CAMKK1: variants seen among roughly 807,000 people sequenced by gnomAD.
The protein encoded by CAMKK1 is calcium/calmodulin-dependent protein kinase kinase 1.
In CAMKK1, 20 loss-of-function variants were observed where a neutral mutation model predicts 63.5. That is an observed-to-expected ratio of 0.32 (90% CI 0.22 to 0.46). The LOEUF (loss-of-function observed/expected upper bound fraction) is 0.46, where lower values mean the gene tolerates loss of function less well. Among genes scored for constraint, CAMKK1 ranks in the 20% least tolerant of loss-of-function variants. The pLI, the probability that CAMKK1 is intolerant of heterozygous loss-of-function variation, is 1.00. For missense variants in CAMKK1, 588 were observed against 658.1 expected, an observed-to-expected ratio of 0.89 and a Z score of 1.17; for synonymous variants, 253 against 269.0, an observed-to-expected ratio of 0.94 and a Z score of 0.58.
At chr17:3,876,465 C>G in intron 9 of CAMKK1, 43 bp from the exon 10 acceptor site, 2 of 1,564,854 alleles carry the variant, frequency 1.3e-6, no homozygotes, top group Middle Eastern at 3.4e-4. Context: ...GCCTGGGCAC[C>G]GCTGGCCAGG....
rs187198166 is a variant in CAMKK1, at chr17:3,887,934, C to T, written c.-43-2204G>A. On this transcript the variant is annotated intron_variant, in intron 1 of 15. Transcript: ENST00000348335. This position sits in a 1 kb window ranked among gnomAD's most constrained non-coding sequence, Gnocchi z 6.1. ...GAATGTAAGTTTCATGAGATTAGGA[C>T]GCTCATCTGCCTTGTCTCCAAAAGA... 1.0e-3 allele frequency among the ~76,000 whole-genome samples: 154 copies of T among 152,264 alleles called. 1 individual carries two copies. Among genetic ancestry groups the T allele is most frequent in the African/African-American group, 3.0e-3 (126 of 41,560 alleles).
At position 3,865,943 on chromosome 17, in the gene CAMKK1, T is replaced by C. The variant is rs1290714708; in HGVS notation, c.1410A>G (p.Glu470=). The C allele has an allele frequency of 1.2e-6, 2 of 1,614,210 alleles. No homozygotes were observed. Among genetic ancestry groups the C allele is most frequent in the African/African-American group, 2.7e-5 (2 of 75,056 alleles). Residue 470 remains glutamate, a synonymous_variant, in exon 15 of 16, where the codon GAA becomes GAG. Coordinates refer to ENST00000348335, the MANE Select transcript of CAMKK1 (RefSeq NM_032294.3). ...GNPFEPQARR[E]ERSMSAPGNL... ...TTCCTGGAGCAGACATGGATCGCTC[T>C]TCCCTCCGTGCTTGGGGCTCAAACG...
chr17:3,872,595 G>C lies in CAMKK1; in HGVS notation c.1083C>G (p.Leu361=). 6.2e-7 allele frequency: 1 copy of C among 1,614,028 alleles called. No homozygotes were observed. The highest frequency in any genetic ancestry group is 8.5e-7 in the Non-Finnish European group (1 of 1,179,898). The part of the protein sequence containing the change: ...CPFIDDFILA[L]HRKIKNEPVV... ...CGGGCTCATTCTTGATCTTCCTGTG[G>C]AGGGCCAGGATGAAATCGTCGATGA... The change falls in exon 12 of 16, where the codon CTC becomes CTG. Residue 361 remains leucine (L), a synonymous_variant. Transcript: ENST00000348335.
rs559296219 is a variant in CAMKK1, at chr17:3,862,808, T to C, written c.1446-525A>G. 6.6e-6 allele frequency among the ~76,000 whole-genome samples: 1 copy of C among 152,280 alleles called. No individual in the cohort carries two copies. The highest frequency in any genetic ancestry group is 1.5e-5 in the Non-Finnish European group (1 of 68,028). On this transcript the variant is annotated intron_variant, in intron 15 of 15. Coordinates refer to ENST00000348335, the MANE Select transcript of CAMKK1 (RefSeq NM_032294.3). The surrounding 1 kb of genome is among the most constrained non-coding windows in gnomAD (Gnocchi z 4.1). ...CCACGCCCAGCTAATTTTTGTATTTTTTTATCTCTATAAAAACAGGGTTTC... is the reference window on the plus strand; with the variant it reads ...CCACGCCCAGCTAATTTTTGTATTTCTTTATCTCTATAAAAACAGGGTTTC...
In CAMKK1 at chr17:3,872,430, G is replaced by T. The variant is rs976410022; in HGVS notation, c.1124+124C>A. The T allele has an allele frequency of 2.6e-5, 20 of 766,548 alleles. No homozygotes were observed. The African/African-American group carries it at 3.1e-4, about 12-fold the overall frequency. The allele number at this position is 766,548 out of a possible 1,614,324, so 47.5% of individuals were successfully genotyped here. The stretch of plus-strand genomic sequence containing the variant: ...CATCTATTCAGGGGTCCCTCCCAGG[G>T]AACAGCACCGCCACCTTCATATCTG... On this transcript the variant is annotated intron_variant, in intron 12 of 15. Transcript: ENST00000348335.
intron 9 of CAMKK1, 183 bp downstream of exon 9, chr17:3,880,163 C>T (rs567767725): frequency 7.0e-5 from 42 of 603,540 alleles, no homozygotes; most frequent in African/African-American, 6.1e-4. Flanking sequence ...TGGAGTCCAC[C>T]GCCCGCCCCA....
chr17:3,872,494 TAA>T, intron 12 of CAMKK1, 58 bp downstream of exon 12: 2 of 1,462,954 alleles, frequency 1.4e-6, no homozygotes, highest in East Asian at 4.5e-5. Flanking sequence ...AAAGCTCTGC[TAA>T]AACTCAGACA....
At chr17:3,876,799 C>G (rs1159280467) in intron 9 of CAMKK1, among the ~76,000 whole-genome samples, 2 of 150,340 alleles carry the variant, frequency 1.3e-5, no homozygotes, top group African/African-American at 4.9e-5. Context: ...ACTCTGTCCC[C>G]CAGGCTGGAG....
At position 3,865,912 on chromosome 17, in the gene CAMKK1, G is replaced by A; in HGVS notation, c.1441C>T (p.Leu481=). The A allele has an allele frequency of 6.2e-7, 1 of 1,614,182 alleles. No individual in the cohort carries two copies. The highest frequency in any genetic ancestry group is 8.5e-7 in the Non-Finnish European group (1 of 1,180,030). ...CCCTGGCCCACCAGTACTTACACCA[G>A]TAGGTTTCCTGGAGCAGACATGGAT... ...ERSMSAPGNL[L]VKEGFGEGGK... The change falls in exon 15 of 16, where the codon CTG becomes TTG. Residue 481 remains leucine (L), a synonymous_variant. Coordinates refer to ENST00000348335, the MANE Select transcript of CAMKK1 (RefSeq NM_032294.3).
At chr17:3,868,085 G>A (rs142797447) in intron 14 of CAMKK1, among the ~76,000 whole-genome samples, 34,367 of 48,182 alleles carry the variant, frequency 0.71, 12,506 homozygotes, top group East Asian at 0.81. Context: ...TAACTGATAC[G>A]TGGGCTCTGG....
At chr17:3,877,304 C>G (rs2055210372) in intron 9 of CAMKK1, among the ~76,000 whole-genome samples, 1 of 152,142 alleles carries the variant, frequency 6.6e-6, no homozygotes, top group African/African-American at 2.4e-5. Context: ...TTGGGACAAG[C>G]AGGATGACAC....
In CAMKK1 at chr17:3,861,985, G is replaced by T; in HGVS notation, c.*226C>A. On this transcript the variant is annotated 3_prime_UTR_variant, in exon 16 of 16. Transcript: ENST00000348335. ...TCAGGCCAAGGAGGTCCAAGAAGAG[G>T]AGGATGGCCTCGTGGGAGCCCTGCC... is the stretch of plus-strand genomic sequence containing the variant. The T allele has an allele frequency of 1.7e-6, 1 of 580,216 alleles. No individual in the cohort carries two copies. Among genetic ancestry groups the T allele is most frequent in the Non-Finnish European group, 3.1e-6 (1 of 323,292 alleles). The allele number at this position is 580,216 out of a possible 1,614,324, so 35.9% of individuals were successfully genotyped here. A position where few individuals can be genotyped will look rare whatever the true frequency, so the allele number is the denominator to read the frequency against.
rs1357130984 is a variant in CAMKK1 at position 3,887,840 on chromosome 17, G to C, written c.-43-2110C>G. 2.0e-5 allele frequency among the ~76,000 whole-genome samples: 3 copies of C among 152,122 alleles called. No homozygotes were observed. Among genetic ancestry groups the C allele is most frequent in the Non-Finnish European group, 4.4e-5 (3 of 68,008 alleles). On this transcript the variant is annotated intron_variant, in intron 1 of 15. Transcript: ENST00000348335. This position sits in a 1 kb window ranked among gnomAD's most constrained non-coding sequence, Gnocchi z 6.1. ...GGGAACACCCTCCAGGACCCGCCAG[G>C]CTCCTCCCAGCAGGTGGCCCACCCC...
rs751203583 is a variant in CAMKK1, at chr17:3,882,259, G to C, written c.685+269C>G. The C allele has an allele frequency of 6.2e-7, 1 of 1,610,406 alleles. No individual in the cohort carries two copies. On this transcript the variant is annotated intron_variant, in intron 7 of 15. Coordinates refer to ENST00000348335, the MANE Select transcript of CAMKK1 (RefSeq NM_032294.3). The surrounding 1 kb of genome is among the most constrained non-coding windows in gnomAD (Gnocchi z 4.3). ...TGCAGCCTGCTTCCTGCATCTACCT[G>C]AGCGCGCAGCCCACGTGGATCCACT...
At chr17:3,888,784 C>T (rs1024745976) in intron 1 of CAMKK1, among the ~76,000 whole-genome samples, 3 of 152,140 alleles carry the variant, frequency 2.0e-5, no homozygotes, top group African/African-American at 7.2e-5. Context: ...GGGAGGCGGC[C>T]GGCCGGGGAG....
Position 3,889,895 on chromosome 17 carries a change from C to T in CAMKK1, c.-44+3044G>A, listed in dbSNP as rs79182401. ...AGCAGGCAGACCCTGCTGCCATCCA[C>T]GCGGGTTCAAGTAGCTCCACCTGGG... On this transcript the variant is annotated intron_variant, in intron 1 of 15. Coordinates refer to ENST00000348335, the MANE Select transcript of CAMKK1 (RefSeq NM_032294.3). The surrounding 1 kb of genome is among the most constrained non-coding windows in gnomAD (Gnocchi z 5.2). Among the ~76,000 whole-genome samples, 37 of 152,372 alleles carry T rather than the reference C, an allele frequency of 2.4e-4. 1 individual carries two copies. The East Asian group carries it at 5.2e-3, about 21-fold the overall frequency.
chr17:3,874,102 C>A (rs2055033261), intron 10 of CAMKK1, among the ~76,000 whole-genome samples: 1 of 152,180 alleles, frequency 6.6e-6, no homozygotes, highest in African/African-American at 2.4e-5. Context: ...ATATTCCTGC[C>A]CCAGATGCAT....
chr17:3,883,966 T>G lies in CAMKK1; in HGVS notation c.409-29A>C, dbSNP rs756902924. The G allele has an allele frequency of 1.9e-6, 3 of 1,611,538 alleles. No homozygotes were observed. Among genetic ancestry groups the G allele is most frequent in the Non-Finnish European group, 2.5e-6 (3 of 1,179,048 alleles). On this transcript the variant is annotated intron_variant, in intron 3 of 15. Transcript: ENST00000348335. The surrounding 1 kb of genome is among the most constrained non-coding windows in gnomAD (Gnocchi z 4.7). ...CAGATAGGCATCAGTCAGCCCCACC[T>G]GGACAGGGCAACCCCTCCCAGGACC...
At chr17:3,869,687 A>T (rs777300548) in intron 13 of CAMKK1, 72 bp from the exon 14 acceptor site, 3 of 1,610,640 alleles carry the variant, frequency 1.9e-6, no homozygotes, top group Non-Finnish European at 2.5e-6. Flanking sequence ...AGGGGTCCAA[A>T]GTCCACAGAC....
Sources: gnomAD v4.1 joint callset for allele counts (sites outside exome capture counted in the v4.1 genomes callset) on GRCh38, gnomAD v4.1.1 for gene constraint, Gnocchi (gnomAD v3.1) non-coding constraint, MANE v1.5 for transcripts, NCBI Gene and HGNC (gene_info 2026-07-23, HGNC 2026-07-21) for gene names.